The following TMEM259 variants were observed in gnomAD, a reference collection of about 807,000 sequenced individuals.
The protein encoded by TMEM259 is transmembrane protein 259.
In TMEM259, 26 loss-of-function variants were observed where a neutral mutation model predicts 46.7. That is an observed-to-expected ratio of 0.56 (90% confidence interval 0.41 to 0.77). TMEM259 has a LOEUF of 0.77. Ranked by LOEUF, TMEM259 falls within the 30% of genes least tolerant of loss-of-function variation. TMEM259 has a pLI of 0.00. For synonymous variants in TMEM259, 494 were observed against 395.1 expected (o/e 1.25, Z -2.97); for missense variants, 930 against 900.5 (o/e 1.03, Z -0.42).
chr19:1,011,477 C>T lies in TMEM259; in HGVS notation c.1107G>A (p.Glu369=). The change falls in exon 9 of 11, where the codon GAG becomes GAA. Residue 369 remains glutamate, a synonymous_variant. Coordinates refer to ENST00000356663, the MANE Select transcript of TMEM259 (RefSeq NM_001033026.2). ...AGGCGGTGGTGGTGTCGTTGAAGAACTCCGACATGATGGCCTCCATCCCTG... is the reference window on the plus strand; with the variant it reads ...AGGCGGTGGTGGTGTCGTTGAAGAATTCCGACATGATGGCCTCCATCCCTG... ...ALVGMEAIMS[E]FFNDTTTAFY... 1 of 1,551,058 alleles carries T rather than the reference C, an allele frequency of 6.4e-7. No individual in the cohort carries two copies. The highest frequency in any genetic ancestry group is 8.7e-7 in the Non-Finnish European group (1 of 1,148,104).
chr19:1,016,148 G>A (rs1460713362), intron 1 of TMEM259, among the ~76,000 whole-genome samples: 1 of 151,936 alleles, frequency 6.6e-6, no homozygotes, highest in East Asian at 1.9e-4. Flanking sequence ...GCAGAACCCT[G>A]ACCGCCAGGC....
intron 10 of TMEM259, 89 bp downstream of exon 10, chr19:1,011,007 C>G: frequency 6.5e-7 from 1 of 1,544,650 alleles, no homozygotes; most frequent in Admixed American, 1.9e-5. Context: ...CCGCTTGGGC[C>G]GACCCCACAG....
intron 1 of TMEM259, chr19:1,017,243 G>A (rs577805750): frequency 3.8e-5 from 15 of 399,988 alleles, no homozygotes; most frequent in Middle Eastern, 6.2e-4. Context: ...AGGCAGCCTC[G>A]TCCACGCCCA....
Position 1,020,675 on chromosome 19 carries a change from TG to T in TMEM259, c.225+96del. ...CCTCAGGGTGCAGGGTGGCGCTCGC[TG>T]TCCCCAGCGGGGCCAGGGGTCGCGG... On this transcript the variant is annotated intron_variant, in intron 1 of 10. Coordinates refer to ENST00000356663, the MANE Select transcript of TMEM259 (RefSeq NM_001033026.2). This position sits in a 1 kb window ranked among gnomAD's most constrained non-coding sequence, Gnocchi z 4.0. The T allele has an allele frequency of 1.1e-6, 1 of 908,970 alleles. No individual in the cohort carries two copies. The highest frequency in any genetic ancestry group is 1.5e-6 in the Non-Finnish European group (1 of 683,712). The allele number at this position is 908,970 out of a possible 1,614,324, so 56.3% of individuals were successfully genotyped here. A position where few individuals can be genotyped will look rare whatever the true frequency, so the allele number is the denominator to read the frequency against.
chr19:1,013,861 T>A (rs924687970), intron 2 of TMEM259, among the ~76,000 whole-genome samples: 2 of 151,840 alleles, frequency 1.3e-5, no homozygotes, highest in African/African-American at 2.4e-5. Flanking sequence ...CCCCCAGGCC[T>A]CCTCAGCTAT....
At position 1,012,202 on chromosome 19, in the gene TMEM259, A is replaced by G; in HGVS notation, c.719-14T>C. On this transcript the variant is annotated splice_polypyrimidine_tract_variant and intron_variant, in intron 4 of 10. Transcript: ENST00000356663. ...CCCGCGTGGGGTCTGCGGGTGGGTGAATCAGGGAGCCGGGAGCCCCGCCCA... is the reference window on the plus strand; with the variant it reads ...CCCGCGTGGGGTCTGCGGGTGGGTGGATCAGGGAGCCGGGAGCCCCGCCCA... 2 of 1,591,630 alleles carry G rather than the reference A, an allele frequency of 1.3e-6. No homozygotes were observed. Among genetic ancestry groups the G allele is most frequent in the Non-Finnish European group, 1.7e-6 (2 of 1,170,290 alleles).
chr19:1,017,445 C>G lies in TMEM259; in HGVS notation c.226-2972G>C, dbSNP rs903464673. The G allele has an allele frequency of 1.2e-5, 5 of 400,516 alleles. No individual in the cohort carries two copies. The East Asian group carries it at 1.8e-4, about 14-fold the overall frequency. The allele number at this position is 400,516 out of a possible 1,614,324, so 24.8% of individuals were successfully genotyped here. ...GCCCCACGGCCTTCCCACACGCTCT[C>G]CAGCTGCCTGGACACCCCACCCCAT... On this transcript the variant is annotated intron_variant, in intron 1 of 10. Transcript: ENST00000356663.
chr19:1,017,728 G>C (rs1431295216), intron 1 of TMEM259, among the ~76,000 whole-genome samples: 1 of 152,182 alleles, frequency 6.6e-6, no homozygotes, highest in Non-Finnish European at 1.5e-5. Flanking sequence ...TGGAGTGCCA[G>C]GAGCAGCCTG....
Position 1,011,737 on chromosome 19 carries a change from T to G in TMEM259, c.1000+4A>C. The stretch of plus-strand genomic sequence containing the variant: ...GCCCCGCCCTGCGCCGGCGGGACAC[T>G]CACCGATGAAGACGAAGATCTGGTG... On this transcript the variant is annotated splice_donor_region_variant and intron_variant, in intron 7 of 10. Transcript: ENST00000356663. 1 of 1,544,012 alleles carries G rather than the reference T, an allele frequency of 6.5e-7. No homozygotes were observed. The highest frequency in any genetic ancestry group is 1.2e-5 in the South Asian group (1 of 84,194).
intron 2 of TMEM259, 125 bp downstream of exon 2, chr19:1,014,067 T>A: frequency 7.9e-7 from 1 of 1,262,666 alleles, no homozygotes; most frequent in Non-Finnish European, 1.1e-6. Context: ...GGCGGCCTTG[T>A]CTGCATGCCA....
intron 1 of TMEM259, among the ~76,000 whole-genome samples, chr19:1,018,090 C>T (rs1471400446): frequency 6.6e-6 from 1 of 152,228 alleles, no homozygotes; most frequent in Non-Finnish European, 1.5e-5. Flanking sequence ...GAGACCCCTT[C>T]ACCCTGTGGG....
chr19:1,013,252 G>A lies in TMEM259; in HGVS notation c.596C>T (p.Thr199Met), dbSNP rs760900356. The change falls in exon 3 of 11, where the codon ACG becomes ATG. Residue 199 changes from threonine (T) to methionine (M), a missense_variant. By Grantham distance (81) the Thr-to-Met change is moderately conservative. Coordinates refer to ENST00000356663, the MANE Select transcript of TMEM259 (RefSeq NM_001033026.2). ...GGTGGGTGGCCTACCTTTGGTGGGC[G>A]TCTCGGGGAAGGGGAACTCCTGGCT... ...NDSQEFPFPE[T>M]PTKVWPQDEY... is the part of the protein sequence containing the mutation. 42 of 1,613,598 alleles carry A rather than the reference G, an allele frequency of 2.6e-5. No individual in the cohort carries two copies. Among genetic ancestry groups the A allele is most frequent in the East Asian group, 8.9e-5 (4 of 44,898 alleles).
intron 8 of TMEM259, 38 bp from the exon 9 acceptor site, chr19:1,011,537 C>T (rs767522303): frequency 4.3e-5 from 17 of 399,640 alleles, no homozygotes; most frequent in East Asian, 9.8e-5. Context: ...GCGGGCGGGG[C>T]GGGGTGCAGC....
rs758058478 is a variant in TMEM259 at position 1,010,660 on chromosome 19, G to C, written c.1553C>G (p.Ala518Gly). 1 of 1,536,766 alleles carries C rather than the reference G, an allele frequency of 6.5e-7. No homozygotes were observed. The highest frequency in any genetic ancestry group is 1.2e-5 in the South Asian group (1 of 84,046). Residue 518 changes from alanine to glycine, a missense_variant, in exon 11 of 11, where the codon GCG (alanine) becomes GGG (glycine). Ala to Gly is a moderately conservative substitution (Grantham distance 60). Coordinates refer to ENST00000356663, the MANE Select transcript of TMEM259 (RefSeq NM_001033026.2). Reference protein sequence around the residue: ...GASGSPGPVAAAPSSLVAAAA... With the variant: ...GASGSPGPVAGAPSSLVAAAA... ...CGCGGCCACCAGGGAGCTGGGCGCC[G>C]CTGCCACAGGCCCGGGACTCCCGCT...
Position 1,012,025 on chromosome 19 carries a change from C to G in TMEM259, c.842-33G>C, listed in dbSNP as rs114980668. On this transcript the variant is annotated intron_variant, in intron 5 of 10. Coordinates refer to ENST00000356663, the MANE Select transcript of TMEM259 (RefSeq NM_001033026.2). ...AGAAGGAGCCGTGAGCGCCCGCCCC[C>G]ACCCGCGCCCTCGCACCCTCGGCCC... 3.4e-3 allele frequency: 5,435 copies of G among 1,611,792 alleles called. 177 individuals carry two copies. The African/African-American group carries it at 0.066, about 19-fold the overall frequency.
rs1010158519 is a variant in TMEM259 at position 1,020,046 on chromosome 19, G to C, written c.225+726C>G. Among the ~76,000 whole-genome samples, 4 of 152,052 alleles carry C rather than the reference G, an allele frequency of 2.6e-5. No individual in the cohort carries two copies. The highest frequency in any genetic ancestry group is 2.0e-4 in the Admixed American group (3 of 15,268). Reference sequence around the variant, plus strand: ...GGCCGGTGCCTCATAGGGGAGGCACGGGCGACAGACCCACAACCTGAGCTC... The same window carrying C: ...GGCCGGTGCCTCATAGGGGAGGCACCGGCGACAGACCCACAACCTGAGCTC... On this transcript the variant is annotated intron_variant, in intron 1 of 10. Transcript: ENST00000356663. This position sits in a 1 kb window ranked among gnomAD's most constrained non-coding sequence, Gnocchi z 4.0.
Position 1,011,438 on chromosome 19 carries a change from G to A in TMEM259, c.1146C>T (p.Leu382=). Residue 382 remains leucine (L), a synonymous_variant, in exon 9 of 11, where the codon CTC becomes CTT. Transcript: ENST00000356663. ...CATACTGGTCCGCGAGCCACACGATGAGGATGATGTAGAAGGCGGTGGTGG... is the reference window on the plus strand; with the variant it reads ...CATACTGGTCCGCGAGCCACACGATAAGGATGATGTAGAAGGCGGTGGTGG... ...NDTTTAFYII[L]IVWLADQYDA... The A allele has an allele frequency of 1.9e-6, 3 of 1,569,858 alleles. No homozygotes were observed. Among genetic ancestry groups the A allele is most frequent in the Non-Finnish European group, 1.7e-6 (2 of 1,157,962 alleles).
At chr19:1,017,969 C>T (rs1194807686) in intron 1 of TMEM259, among the ~76,000 whole-genome samples, 2 of 152,202 alleles carry the variant, frequency 1.3e-5, no homozygotes, top group African/African-American at 4.8e-5. Flanking sequence ...CAGAGCAGGG[C>T]CCCTGGGGTC....
In TMEM259 at chr19:1,011,437, T is replaced by A. The variant is rs750300381; in HGVS notation, c.1147A>T (p.Ile383Phe). ...DTTTAFYIIL[I>F]VWLADQYDAI... ...TCATACTGGTCCGCGAGCCACACGA[T>A]GAGGATGATGTAGAAGGCGGTGGTG... The change falls in exon 9 of 11, where the codon ATC becomes TTC. Residue 383 changes from isoleucine (I) to phenylalanine (F), a missense_variant. Transcript: ENST00000356663. 1.9e-6 allele frequency: 3 copies of A among 1,568,608 alleles called. No individual in the cohort carries two copies. In the South Asian group the frequency reaches 3.5e-5, roughly 18 times the overall value.
Sources: allele counts gnomAD v4.1 joint callset (sites outside exome capture counted in the v4.1 genomes callset), GRCh38; gene constraint gnomAD v4.1.1; non-coding constraint Gnocchi (gnomAD v3.1); transcripts MANE v1.5; gene names NCBI Gene and HGNC (gene_info 2026-07-23, HGNC 2026-07-21).